NHSL1: variants seen among roughly 807,000 people sequenced by gnomAD.
NHSL1 encodes NHS-like protein 1.
NHSL1 carries 48 observed loss-of-function variants against 95.0 expected under a neutral mutation model. The observed-to-expected ratio is 0.51, with a 90% confidence interval of 0.40 to 0.64. The LOEUF (loss-of-function observed/expected upper bound fraction) is 0.64, where lower values mean the gene tolerates loss of function less well. Ranked by LOEUF, NHSL1 falls within the 30% of genes least tolerant of loss-of-function variation. The pLI is 0.00. For missense variants in NHSL1, 1,971 were observed against 2,077.7 expected (o/e 0.95, Z 1.00); for synonymous variants, 783 against 833.9 (o/e 0.94, Z 1.05).
At chr6:138,501,594 G>A (rs989331273), upstream of NHSL1, among the ~76,000 whole-genome samples, 3 of 152,154 alleles carry the variant, frequency 2.0e-5, no homozygotes, top group African/African-American at 7.2e-5. Flanking sequence ...AGATTCCTCA[G>A]GCTGTGAGAC....
chr6:138,437,684 T>C (rs1776276782), intron 5 of NHSL1, among the ~76,000 whole-genome samples: 1 of 152,176 alleles, frequency 6.6e-6, no homozygotes, highest in African/African-American at 2.4e-5. Flanking sequence ...TTCACTACTC[T>C]AGCACAGTAA....
At chr6:138,576,377 G>A (rs181190942), upstream of NHSL1, among the ~76,000 whole-genome samples, 3 of 152,270 alleles carry the variant, frequency 2.0e-5, no homozygotes, top group African/African-American at 7.2e-5. Flanking sequence ...TCTTAACGTA[G>A]CTATTTTTCT....
intron 2 of NHSL1, among the ~76,000 whole-genome samples, chr6:138,484,935 A>T (rs532122626): frequency 6.6e-6 from 1 of 152,350 alleles, no homozygotes; most frequent in Non-Finnish European, 1.5e-5. Context: ...GCCCAGATTA[A>T]TTTAAGAAGC....
intron 3 of NHSL1, among the ~76,000 whole-genome samples, chr6:138,467,395 G>GC (rs1778461772): frequency 6.6e-6 from 1 of 152,026 alleles, no homozygotes; most frequent in Admixed American, 6.5e-5. Context: ...CTCATGATCC[G>GC]CCCGCCTCGG....
chr6:138,523,628 A>G (rs111781883), intron 1 of NHSL1, among the ~76,000 whole-genome samples: 3 of 60,442 alleles, frequency 5.0e-5, no homozygotes, highest in Non-Finnish European at 9.4e-5. Flanking sequence ...TTTAAAGAGG[A>G]AAAAAAAAAA....
intron 3 of NHSL1, among the ~76,000 whole-genome samples, chr6:138,454,298 T>C (rs1777441795): frequency 6.6e-6 from 1 of 152,228 alleles, no homozygotes; most frequent in Non-Finnish European, 1.5e-5. Context: ...ATCCATGTAG[T>C]TGTGTGAAAC....
At chr6:138,637,174 T>C in intron 1 of NHSL1, among the ~76,000 whole-genome samples, 1 of 152,144 alleles carries the variant, frequency 6.6e-6, no homozygotes, top group Non-Finnish European at 1.5e-5. Context: ...TAAATGGCGC[T>C]GGGAAAACTG....
chr6:138,685,667 C>G (rs914233550), intron 1 of NHSL1, among the ~76,000 whole-genome samples: 7 of 151,876 alleles, frequency 4.6e-5, no homozygotes, highest in African/African-American at 7.3e-5. Context: ...CTAAGCAACA[C>G]AGTGAGACAT....
chr6:138,543,207 G>A (rs1233477778), intron 1 of NHSL1, among the ~76,000 whole-genome samples: 2 of 152,124 alleles, frequency 1.3e-5, no homozygotes, highest in Non-Finnish European at 2.9e-5. Context: ...GTGAAGGAAC[G>A]TACCATGCCT....
chr6:138,474,529 A>G (rs1583255126), intron 2 of NHSL1, among the ~76,000 whole-genome samples: 1 of 152,294 alleles, frequency 6.6e-6, no homozygotes, highest in Non-Finnish European at 1.5e-5. Context: ...GAGGGAGTGG[A>G]AGGACAACGT....
At chr6:138,490,424 A>G (rs1780004388) in intron 2 of NHSL1, among the ~76,000 whole-genome samples, 1 of 152,146 alleles carries the variant, frequency 6.6e-6, no homozygotes, top group South Asian at 2.1e-4. Context: ...CTAGGCAGAT[A>G]AATAAGACAG....
At chr6:138,449,466 G>A (rs1035381683) in intron 3 of NHSL1, among the ~76,000 whole-genome samples, 36 of 152,092 alleles carry the variant, frequency 2.4e-4, no homozygotes, top group Non-Finnish European at 4.3e-4. Context: ...CACAAAGTCA[G>A]GACATCGAGA....
At chr6:138,597,340 A>G (rs1341075587) in intron 1 of NHSL1, among the ~76,000 whole-genome samples, 1 of 152,212 alleles carries the variant, frequency 6.6e-6, no homozygotes, top group East Asian at 1.9e-4. Context: ...GGAGCCTGGA[A>G]ATTTTAATTC....
chr6:138,588,641 C>A (rs572782086), intron 1 of NHSL1, among the ~76,000 whole-genome samples: 2 of 152,286 alleles, frequency 1.3e-5, no homozygotes, highest in Non-Finnish European at 2.9e-5. Flanking sequence ...AGACACTTGG[C>A]ATATTAAAAA....
At chr6:138,487,203 G>A (rs981626007) in intron 2 of NHSL1, among the ~76,000 whole-genome samples, 5 of 152,196 alleles carry the variant, frequency 3.3e-5, no homozygotes, top group African/African-American at 1.2e-4. Context: ...AAACAGGCTT[G>A]AGTTCAGGAA....
rs781049967 is a variant in NHSL1, at chr6:138,431,905, G to A, written c.2440C>T (p.Arg814Cys). 4.7e-5 allele frequency: 73 copies of A among 1,551,584 alleles called. No homozygotes were observed. Among genetic ancestry groups the A allele is most frequent in the Non-Finnish European group, 6.1e-5 (70 of 1,146,990 alleles). The change falls in exon 6 of 8, where the codon CGC becomes TGC. Residue 814 changes from arginine (R) to cysteine (C), a missense_variant. This residue lies in a region of NHSL1 where 1,602 missense variants were observed against 1,654.5 expected (regional missense o/e 0.97). Coordinates refer to ENST00000343505, the MANE Select transcript of NHSL1 (RefSeq NM_001144060.2). This position sits in a 1 kb window ranked among gnomAD's most constrained non-coding sequence, Gnocchi z 4.0. ...SGVPTGNGPV[R>C]HVQEGSRATM... ...GCTCTGGACCCTTCTTGGACATGGC[G>A]GACTGGCCCGTTCCCAGTGGGCACC...
chr6:138,470,676 G>C (rs564849448), intron 3 of NHSL1: 1 of 152,222 alleles, frequency 6.6e-6, no homozygotes, highest in African/African-American at 2.4e-5. Context: ...TGGTGCTTTT[G>C]TAAGAGACCA....
chr6:138,684,514 G>A (rs9495204), intron 1 of NHSL1, among the ~76,000 whole-genome samples: 2,806 of 152,098 alleles, frequency 0.018, 93 homozygotes, highest in African/African-American at 0.064. Context: ...GCGTGGTGGC[G>A]TGCGCCTGTA....
upstream of NHSL1, among the ~76,000 whole-genome samples, chr6:138,548,964 C>G (rs564231540): frequency 2.3e-4 from 35 of 152,316 alleles, no homozygotes; most frequent in African/African-American, 8.4e-4. Context: ...ACCCCAAATT[C>G]ATGTCCACCC....
Sources: allele counts gnomAD v4.1 joint callset (sites outside exome capture counted in the v4.1 genomes callset), GRCh38; gene constraint gnomAD v4.1.1; regional missense constraint gnomAD v4.1.1; non-coding constraint Gnocchi (gnomAD v3.1); transcripts MANE v1.5; gene names NCBI Gene and HGNC (gene_info 2026-07-23, HGNC 2026-07-21).